The following C1orf167 variants were observed in gnomAD, a reference collection of about 807,000 sequenced individuals.
C1orf167 encodes chromosome 1 open reading frame 167.
C1orf167 carries 153 observed loss-of-function variants against 176.5 expected under a neutral mutation model. That is an observed-to-expected ratio of 0.87 (90% CI 0.76 to 0.99). The LOEUF is 0.99. Among genes scored for constraint, C1orf167 ranks in the 50% least tolerant of loss-of-function variants. C1orf167 has a pLI of 0.00. For missense variants in C1orf167, 1,490 were observed against 1,817.7 expected (o/e 0.82, Z 3.28); for synonymous variants, 594 against 752.7 (o/e 0.79, Z 3.45).
intron 6 of C1orf167, among the ~76,000 whole-genome samples, chr1:11,771,031 A>ATGTGTGTG (rs58020814): frequency 0.076 from 2,693 of 35,254 alleles, 197 homozygotes; most frequent in Non-Finnish European, 0.12. Context: ...GTGTGTGTGT[A>ATGTGTGTG]TGTGTGTGTG....
intron 1 of C1orf167, among the ~76,000 whole-genome samples, chr1:11,763,918 C>T (rs1642653621): frequency 6.6e-6 from 1 of 152,094 alleles, no homozygotes; most frequent in Non-Finnish European, 1.5e-5. Context: ...GTTTGAGCCA[C>T]CAGAAGGCCG....
Position 11,775,446 on chromosome 1 carries a change from C to A in C1orf167, c.2000C>A (p.Ala667Glu). 7.7e-7 allele frequency: 1 copy of A among 1,299,838 alleles called. No individual in the cohort carries two copies. Among genetic ancestry groups the A allele is most frequent in the Non-Finnish European group, 1.0e-6 (1 of 986,784 alleles). The allele number at this position is 1,299,838 out of a possible 1,614,324, so 80.5% of individuals were successfully genotyped here. A position where few individuals can be genotyped will look rare whatever the true frequency, so the allele number is the denominator to read the frequency against. ...CTCTGTTCTCCCAGGTGCTTCGGGGCGTGGCAGCAGTTCGTGCAAAGAGGG... is the reference window on the plus strand; with the variant it reads ...CTCTGTTCTCCCAGGTGCTTCGGGGAGTGGCAGCAGTTCGTGCAAAGAGGG... ...QRAWLCRCFG[A>E]WQQFVQRGSR... Residue 667 changes from alanine (A) to glutamate (E), a missense_variant, in exon 9 of 21, where the codon GCG becomes GAG. Ala to Glu is a moderately radical substitution (Grantham distance 107). Transcript: ENST00000688073.
intron 6 of C1orf167, among the ~76,000 whole-genome samples, chr1:11,770,172 A>C (rs748454846): frequency 4.0e-5 from 5 of 124,958 alleles, no homozygotes; most frequent in Non-Finnish European, 9.0e-5. Context: ...TTAAAGGAGC[A>C]TAAAAATGTA....
At position 11,788,395 on chromosome 1, in the gene C1orf167, C is replaced by T; in HGVS notation, c.4078+17C>T. 1 of 1,280,248 alleles carries T rather than the reference C, an allele frequency of 7.8e-7. No homozygotes were observed. The highest frequency in any genetic ancestry group is 1.0e-6 in the Non-Finnish European group (1 of 971,290). The allele number at this position is 1,280,248 out of a possible 1,614,324, so 79.3% of individuals were successfully genotyped here. A position where few individuals can be genotyped will look rare whatever the true frequency, so the allele number is the denominator to read the frequency against. ...CGGACCCTGGTGAGTGGGTGCACCCCTCTCCACACTGACCATCTCCCATTT... is the reference window on the plus strand; with the variant it reads ...CGGACCCTGGTGAGTGGGTGCACCCTTCTCCACACTGACCATCTCCCATTT... On this transcript the variant is annotated intron_variant, in intron 19 of 20. Transcript: ENST00000688073.
rs979759235 is a variant in C1orf167, at chr1:11,785,152, C to T, written c.3430C>T (p.Leu1144=). Residue 1144 remains leucine (L), a synonymous_variant, in exon 16 of 21, where the codon CTA becomes TTA. Transcript: ENST00000688073. ...HASWKPRAWV[L]EASVQSAVRG... is the part of the protein sequence containing the mutation. ...AGACTCCTTCCTCTCCCGCAGGGTCCTAGAGGCCTCGGTGCAGTCGGCGGT... is the reference window on the plus strand; with the variant it reads ...AGACTCCTTCCTCTCCCGCAGGGTCTTAGAGGCCTCGGTGCAGTCGGCGGT... 1.2e-5 allele frequency: 15 copies of T among 1,290,600 alleles called. No homozygotes were observed. The highest frequency in any genetic ancestry group is 4.6e-5 in the Admixed American group (2 of 43,516). The allele number at this position is 1,290,600 out of a possible 1,614,324, so 79.9% of individuals were successfully genotyped here.
Position 11,762,252 on chromosome 1 carries a change from C to T in C1orf167, c.-124C>T, listed in dbSNP as rs769466394. ...GGGGATCGTTAGCGGTCCCAGCCCC[C>T]GTCTAGATTCAAATCCGACTGGGTG... is the stretch of plus-strand genomic sequence containing the variant. On this transcript the variant is annotated 5_prime_UTR_variant, in exon 1 of 21. Transcript: ENST00000688073. The T allele has an allele frequency of 2.3e-6, 1 of 432,486 alleles. No individual in the cohort carries two copies. Among genetic ancestry groups the T allele is most frequent in the Non-Finnish European group, 4.7e-6 (1 of 212,732 alleles). 26.8% of individuals were successfully genotyped at this position (432,486 alleles called of 1,614,324 possible).
At chr1:11,770,972 T>TGTG (rs1643026756) in intron 6 of C1orf167, among the ~76,000 whole-genome samples, 7 of 78,560 alleles carry the variant, frequency 8.9e-5, no homozygotes, top group African/African-American at 2.7e-4. Flanking sequence ...ACTGGCTAAT[T>TGTG]TGTGTGTGTG....
chr1:11,771,045 G>A (rs866346219), intron 6 of C1orf167, among the ~76,000 whole-genome samples: 2,759 of 68,072 alleles, frequency 0.041, 137 homozygotes, highest in South Asian at 0.078. Context: ...GTGTGTGTGT[G>A]TGTGTATATA....
At position 11,762,234 on chromosome 1, in the gene C1orf167, G is replaced by A. The variant is rs1445220327; in HGVS notation, c.-142G>A. 1 of 444,020 alleles carries A rather than the reference G, an allele frequency of 2.3e-6. No individual in the cohort carries two copies. Among genetic ancestry groups the A allele is most frequent in the African/African-American group, 2.0e-5 (1 of 49,672 alleles). The allele number at this position is 444,020 out of a possible 1,614,324, so 27.5% of individuals were successfully genotyped here. A position where few individuals can be genotyped will look rare whatever the true frequency, so the allele number is the denominator to read the frequency against. On this transcript the variant is annotated 5_prime_UTR_variant, in exon 1 of 21. Coordinates refer to ENST00000688073, the MANE Select transcript of C1orf167 (RefSeq NM_001010881.2). ...CGCGACCTGCCGACCTGCGGGGATC[G>A]TTAGCGGTCCCAGCCCCCGTCTAGA...
chr1:11,787,838 A>G, intron 17 of C1orf167, 35 bp from the exon 18 acceptor site: 1 of 1,196,958 alleles, frequency 8.4e-7, no homozygotes, highest in Non-Finnish European at 1.1e-6. Flanking sequence ...TCCTGGACCC[A>G]CCTTAACCTC....
At chr1:11,767,139 G>T in intron 3 of C1orf167, 54 bp downstream of exon 3, 1 of 1,280,396 alleles carries the variant, frequency 7.8e-7, no homozygotes, top group Non-Finnish European at 1.0e-6. Context: ...TGTTGCTCCA[G>T]GGCAGGGAGG....
chr1:11,771,313 G>A (rs932312701), intron 6 of C1orf167, among the ~76,000 whole-genome samples: 4 of 151,580 alleles, frequency 2.6e-5, no homozygotes, highest in African/African-American at 9.7e-5. Flanking sequence ...AATCCAAATA[G>A]TATTAAAGAG....
At position 11,766,103 on chromosome 1, in the gene C1orf167, C is replaced by A. The variant is rs560724417; in HGVS notation, c.317C>A (p.Ser106Tyr). The A allele has an allele frequency of 3.1e-6, 4 of 1,289,890 alleles. No homozygotes were observed. The East Asian group carries it at 2.2e-4, about 72-fold the overall frequency. 79.9% of individuals were successfully genotyped at this position (1,289,890 alleles called of 1,614,324 possible). Reference sequence around the variant, plus strand: ...TTCTGGCAACAGAGCAACCTGCAGTCCCTGGCCAGGAGGCGCCAAGGGAAG... The same window carrying A: ...TTCTGGCAACAGAGCAACCTGCAGTACCTGGCCAGGAGGCGCCAAGGGAAG... The part of the protein sequence containing the change: ...SSFWQQSNLQ[S>Y]LARRRQGKAR... The change falls in exon 3 of 21, where the codon TCC becomes TAC. Residue 106 changes from serine (S) to tyrosine (Y), a missense_variant. Physicochemically the swap from Ser to Tyr is moderately radical, Grantham distance 144. Transcript: ENST00000688073. The surrounding 1 kb of genome is among the most constrained non-coding windows in gnomAD (Gnocchi z 4.5).
At chr1:11,784,722 G>C in intron 15 of C1orf167, 129 bp downstream of exon 15, 1 of 1,074,000 alleles carries the variant, frequency 9.3e-7, no homozygotes, top group Non-Finnish European at 1.2e-6. Flanking sequence ...GTGGTTGGGG[G>C]TGACAGGGAG....
At chr1:11,785,533 C>G (rs899582428) in intron 16 of C1orf167, among the ~76,000 whole-genome samples, 4 of 152,200 alleles carry the variant, frequency 2.6e-5, no homozygotes, top group African/African-American at 4.8e-5. Context: ...CCCCAGTTCT[C>G]AGTCAGCCTC....
At chr1:11,774,254 C>T (rs58672791) in intron 8 of C1orf167, among the ~76,000 whole-genome samples, 1 of 152,028 alleles carries the variant, frequency 6.6e-6, no homozygotes, top group African/African-American at 2.4e-5. Flanking sequence ...GAGCCATGAT[C>T]GCACCACTGC....
intron 13 of C1orf167, among the ~76,000 whole-genome samples, chr1:11,781,186 T>TG (rs1467062737): frequency 2.0e-5 from 3 of 151,726 alleles, no homozygotes; most frequent in African/African-American, 7.3e-5. Flanking sequence ...TTAGTGGAGA[T>TG]GGGGTTTCAC....
At chr1:11,788,968 C>CCAT (rs780269159) in intron 20 of C1orf167, 1 of 386,522 alleles carries the variant, frequency 2.6e-6, no homozygotes, top group East Asian at 7.4e-5. Context: ...CCCACCCGGT[C>CCAT]CATCAGTTTG....
At position 11,779,873 on chromosome 1, in the gene C1orf167, G is replaced by A; in HGVS notation, c.2723G>A (p.Trp908Ter). 7.7e-7 allele frequency: 1 copy of A among 1,303,288 alleles called. No homozygotes were observed. The highest frequency in any genetic ancestry group is 1.0e-6 in the Non-Finnish European group (1 of 988,888). The allele number at this position is 1,303,288 out of a possible 1,614,324, so 80.7% of individuals were successfully genotyped here. A position where few individuals can be genotyped will look rare whatever the true frequency, so the allele number is the denominator to read the frequency against. The change falls in exon 13 of 21, where the codon TGG becomes TAG. Residue 908 changes from tryptophan to a stop codon, truncating the protein, a stop_gained. Transcript: ENST00000688073. LOFTEE classifies it high-confidence loss of function. ...AGAGAGCTGGCTTCCCACCGGGCCT[G>A]GGATCGGACCTGCAGGGCTGTGCTG... Reference protein sequence around the residue: ...AWRELASHRAWDRTCRAVLGL... With the variant: ...AWRELASHRA
Sources: allele counts gnomAD v4.1 joint callset (sites outside exome capture counted in the v4.1 genomes callset), GRCh38; gene constraint gnomAD v4.1.1; non-coding constraint Gnocchi (gnomAD v3.1); transcripts MANE v1.5; gene names NCBI Gene and HGNC (gene_info 2026-07-23, HGNC 2026-07-21).